The following PCSK6 variants were observed in gnomAD, a reference collection of about 807,000 sequenced individuals.
PCSK6 encodes the protein paired basic amino acid cleaving enzyme 4.
In PCSK6, 85 loss-of-function variants were observed where a neutral mutation model predicts 123.3. The ratio of observed to expected loss-of-function variants is 0.69; its 90% CI spans 0.58 to 0.83. The LOEUF (loss-of-function observed/expected upper bound fraction) is 0.83. PCSK6 is among the 40% of genes least tolerant of loss of function. The pLI, the probability that PCSK6 is intolerant of heterozygous loss-of-function variation, is 0.00. For synonymous variants in PCSK6, 508 were observed against 516.0 expected, an observed-to-expected ratio of 0.98 and a Z score of 0.21; for missense variants, 1,191 against 1,282.3, an observed-to-expected ratio of 0.93 and a Z score of 1.09.
rs527868815 is a variant in PCSK6 at position 101,434,401 on chromosome 15, C to T, written c.403-2301G>A. ...AGGAGGCACACTCTGCCCTTCCAAG[C>T]CCAAGTGGGTGACACCCCACTAATC... On this transcript the variant is annotated intron_variant, in intron 2 of 21. Transcript: ENST00000611716. Among the ~76,000 whole-genome samples, 15 of 152,342 alleles carry T rather than the reference C, an allele frequency of 9.8e-5. 1 individual carries two copies. The South Asian group carries it at 3.1e-3, about 32-fold the overall frequency.
At chr15:101,484,046 CGT>C (rs1218066472) in intron 1 of PCSK6, among the ~76,000 whole-genome samples, 9 of 152,102 alleles carry the variant, frequency 5.9e-5, no homozygotes, top group Admixed American at 3.3e-4. Flanking sequence ...CGTCAATATA[CGT>C]GTGTTTATAT....
At chr15:101,454,298 G>A (rs969036917) in intron 1 of PCSK6, among the ~76,000 whole-genome samples, 2 of 152,090 alleles carry the variant, frequency 1.3e-5, no homozygotes, top group Non-Finnish European at 2.9e-5. Flanking sequence ...TGTGAAAACG[G>A]GGTTCTGAAC....
At chr15:101,401,479 G>A (rs771698433) in intron 6 of PCSK6, among the ~76,000 whole-genome samples, 9 of 152,176 alleles carry the variant, frequency 5.9e-5, no homozygotes, top group Admixed American at 1.3e-4. Flanking sequence ...TAGATGCCTC[G>A]ACGCCTGCTC....
chr15:101,387,087 C>A (rs918341549), intron 9 of PCSK6, among the ~76,000 whole-genome samples: 2 of 152,206 alleles, frequency 1.3e-5, no homozygotes, highest in East Asian at 1.9e-4. Flanking sequence ...CTGCTCCTGG[C>A]TGGTCACTGG....
chr15:101,408,867 T>C (rs147303623), intron 6 of PCSK6, among the ~76,000 whole-genome samples: 1 of 152,374 alleles, frequency 6.6e-6, no homozygotes, highest in East Asian at 1.9e-4. Flanking sequence ...TTAGCTGTTA[T>C]GTACTTAACA....
At chr15:101,459,168 C>A (rs934540050) in intron 1 of PCSK6, among the ~76,000 whole-genome samples, 1 of 152,128 alleles carries the variant, frequency 6.6e-6, no homozygotes, top group East Asian at 1.9e-4. Context: ...TATTTTGAAG[C>A]CAAAACAAGG....
At chr15:101,447,930 G>A (rs1406548865) in intron 1 of PCSK6, among the ~76,000 whole-genome samples, 1 of 152,214 alleles carries the variant, frequency 6.6e-6, no homozygotes, top group Non-Finnish European at 1.5e-5. Flanking sequence ...TCCTTCCCTC[G>A]ATTATAGAAG....
At chr15:101,324,822 T>C in intron 17 of PCSK6, 28 bp downstream of exon 17, 1 of 1,593,536 alleles carries the variant, frequency 6.3e-7, no homozygotes, top group Non-Finnish European at 8.6e-7. Flanking sequence ...GGCTCATCAG[T>C]TCTTGTACCC....
At chr15:101,364,885 G>T (rs369456818) in intron 13 of PCSK6, 1 of 613,172 alleles carries the variant, frequency 1.6e-6, no homozygotes, top group Admixed American at 2.1e-5. Flanking sequence ...TGGAGGACTC[G>T]CACTTTCTTA....
intron 13 of PCSK6, among the ~76,000 whole-genome samples, chr15:101,356,635 G>A (rs1196350874): frequency 6.6e-6 from 1 of 151,752 alleles, no homozygotes; most frequent in Non-Finnish European, 1.5e-5. Context: ...AGCCGAGATT[G>A]CGCCGTTGCA....
At chr15:101,437,518 G>T (rs992788803) in intron 2 of PCSK6, among the ~76,000 whole-genome samples, 12 of 152,174 alleles carry the variant, frequency 7.9e-5, no homozygotes, top group African/African-American at 2.9e-4. Context: ...TGCGAGCCCA[G>T]CTCCCTCCCC....
intron 5 of PCSK6, 109 bp from the exon 6 acceptor site, chr15:101,428,089 G>T: frequency 3.3e-6 from 3 of 911,276 alleles, no homozygotes; most frequent in Non-Finnish European, 5.1e-6. Flanking sequence ...GAAGCCCAGA[G>T]ATGTCATTAA....
intron 13 of PCSK6, among the ~76,000 whole-genome samples, chr15:101,352,137 A>ATTTTTTTT (rs56844456): frequency 1.0e-5 from 1 of 97,012 alleles, no homozygotes; most frequent in Non-Finnish European, 1.9e-5. Flanking sequence ...TATTTTTCTA[A>ATTTTTTTT]TTTTTTTTTT....
At chr15:101,338,384 T>C (rs2040530524) in intron 13 of PCSK6, among the ~76,000 whole-genome samples, 1 of 152,124 alleles carries the variant, frequency 6.6e-6, no homozygotes, top group Non-Finnish European at 1.5e-5. Flanking sequence ...CAGCAGCACT[T>C]GTGCCAGGAC....
chr15:101,408,278 C>A (rs1596303871), intron 6 of PCSK6, among the ~76,000 whole-genome samples: 1 of 152,366 alleles, frequency 6.6e-6, no homozygotes, highest in South Asian at 2.1e-4. Flanking sequence ...GAACAAAGGC[C>A]ACCCAGGAGC....
intron 10 of PCSK6, among the ~76,000 whole-genome samples, chr15:101,383,811 C>T (rs1380857671): frequency 3.9e-5 from 6 of 152,086 alleles, no homozygotes; most frequent in African/African-American, 4.8e-5. Flanking sequence ...AGAAAAAATA[C>T]GTAACTACAT....
chr15:101,327,399 C>T (rs900526566), intron 15 of PCSK6, among the ~76,000 whole-genome samples: 7 of 152,162 alleles, frequency 4.6e-5, no homozygotes, highest in East Asian at 3.9e-4. Context: ...CCACGCTGGT[C>T]GGCAGGAGTG....
chr15:101,382,452 G>A (rs1051812887), intron 10 of PCSK6, among the ~76,000 whole-genome samples: 3 of 152,320 alleles, frequency 2.0e-5, no homozygotes, highest in South Asian at 2.1e-4. Flanking sequence ...AACACGTCCC[G>A]CTTTGGTACA....
chr15:101,403,876 C>T (rs1410387055), intron 6 of PCSK6, among the ~76,000 whole-genome samples: 1 of 152,158 alleles, frequency 6.6e-6, no homozygotes, highest in African/African-American at 2.4e-5. Context: ...CCCGCCACCA[C>T]ACACGGCTAA....
Sources: gnomAD v4.1 joint callset for allele counts (sites outside exome capture counted in the v4.1 genomes callset) on GRCh38, gnomAD v4.1.1 for gene constraint, MANE v1.5 for transcripts, NCBI Gene and HGNC (gene_info 2026-07-23, HGNC 2026-07-21) for gene names.